LRMDA: variants seen among roughly 807,000 people sequenced by gnomAD.
LRMDA encodes leucine rich melanocyte differentiation associated, also known as leucine-rich melanocyte differentiation-associated protein.
A neutral mutation model predicts 29.8 loss-of-function variants in LRMDA; 18 were observed. That is an observed-to-expected ratio of 0.60 (90% CI 0.42 to 0.90). The LOEUF (loss-of-function observed/expected upper bound fraction) is 0.90, where lower values mean the gene tolerates loss of function less well. Ranked by LOEUF, LRMDA falls within the 40% of genes least tolerant of loss-of-function variation. LRMDA has a pLI of 0.00. For missense variants in LRMDA, 273 were observed against 273.9 expected (o/e 1.00, Z 0.02); for synonymous variants, 125 against 109.4 (o/e 1.14, Z -0.89).
At chr10:75,663,028 T>C (rs965548576) in intron 2 of LRMDA, among the ~76,000 whole-genome samples, 30 of 152,294 alleles carry the variant, frequency 2.0e-4, no homozygotes, top group African/African-American at 7.0e-4. Flanking sequence ...ATTTAAGTGT[T>C]GAGAGCCTGG....
At chr10:76,222,739 C>G (rs547161780) in intron 5 of LRMDA, among the ~76,000 whole-genome samples, 7 of 152,154 alleles carry the variant, frequency 4.6e-5, no homozygotes, top group Non-Finnish European at 1.0e-4. Flanking sequence ...CTAGAAATAC[C>G]ATTTGACCCA....
intron 6 of LRMDA, among the ~76,000 whole-genome samples, chr10:76,359,418 G>A (rs1366310861): frequency 6.6e-6 from 1 of 152,128 alleles, no homozygotes; most frequent in Non-Finnish European, 1.5e-5. Context: ...TTACATTAGT[G>A]CTGATGACAT....
Position 75,700,583 on chromosome 10 carries a change from T to A in LRMDA, c.131+262089T>A, listed in dbSNP as rs955134291. On this transcript the variant is annotated intron_variant, in intron 2 of 6. Transcript: ENST00000611255. ...TCCTTTCTCATTCTTAAAATGTGTA[T>A]GTTGTGTATATTTTATGTATACATT... Among the ~76,000 whole-genome samples, 80 of 152,220 alleles carry A rather than the reference T, an allele frequency of 5.3e-4. 1 individual carries two copies. Among genetic ancestry groups the A allele is most frequent in the Non-Finnish European group, 1.5e-5 (1 of 67,994 alleles).
chr10:76,296,624 G>T (rs1165817991), intron 5 of LRMDA, among the ~76,000 whole-genome samples: 2 of 152,196 alleles, frequency 1.3e-5, no homozygotes, highest in African/African-American at 4.8e-5. Flanking sequence ...TGGATCAATG[G>T]AAATTTAATA....
chr10:76,519,909 CTTTT>C, intron 6 of LRMDA, among the ~76,000 whole-genome samples: 1 of 152,148 alleles, frequency 6.6e-6, no homozygotes, highest in East Asian at 1.9e-4. Flanking sequence ...AAAAAGCATA[CTTTT>C]TTTAAGTTTG....
intron 2 of LRMDA, among the ~76,000 whole-genome samples, chr10:75,467,312 G>C (rs1052906131): frequency 6.6e-6 from 1 of 152,284 alleles, no homozygotes; most frequent in South Asian, 2.1e-4. Flanking sequence ...GCTTGCCCTG[G>C]TGAGTGACTT....
At chr10:75,995,727 C>T (rs1847450580) in intron 2 of LRMDA, among the ~76,000 whole-genome samples, 1 of 152,148 alleles carries the variant, frequency 6.6e-6, no homozygotes, top group South Asian at 2.1e-4. Context: ...TTTCAACCCA[C>T]TGCCAGTTTT....
intron 5 of LRMDA, among the ~76,000 whole-genome samples, chr10:76,248,420 T>G (rs1321664902): frequency 6.6e-6 from 1 of 152,236 alleles, no homozygotes; most frequent in Non-Finnish European, 1.5e-5. Flanking sequence ...CCTCATCTTC[T>G]TCAAGAGCAA....
chr10:76,177,540 C>G (rs1206814323), intron 5 of LRMDA, among the ~76,000 whole-genome samples: 1 of 152,148 alleles, frequency 6.6e-6, no homozygotes. Context: ...AGGGTTCTTG[C>G]TTTAATGGGA....
chr10:75,823,377 CA>C (rs962827382), intron 2 of LRMDA, among the ~76,000 whole-genome samples: 1 of 152,068 alleles, frequency 6.6e-6, no homozygotes, highest in African/African-American at 2.4e-5. Flanking sequence ...CACTAATCAT[CA>C]GAGAAATGCA....
chr10:75,475,789 T>A (rs1844783693), intron 2 of LRMDA, among the ~76,000 whole-genome samples: 1 of 152,086 alleles, frequency 6.6e-6, no homozygotes, highest in Non-Finnish European at 1.5e-5. Flanking sequence ...AATCAGGAGG[T>A]GTCACTGAAG....
intron 6 of LRMDA, among the ~76,000 whole-genome samples, chr10:76,471,986 G>A (rs1054807162): frequency 1.3e-5 from 2 of 151,676 alleles, no homozygotes; most frequent in Non-Finnish European, 3.0e-5. Flanking sequence ...TAGTTGTAGT[G>A]TTCAATACCC....
chr10:75,690,992 TATACACAC>T lies in LRMDA; in HGVS notation c.131+252500_131+252507del, dbSNP rs1404607808. 2.5e-3 allele frequency among the ~76,000 whole-genome samples: 238 copies of T among 94,060 alleles called. 4 individuals are homozygous for T. Among genetic ancestry groups the T allele is most frequent in the African/African-American group, 6.0e-3 (134 of 22,182 alleles). 61.7% of individuals were successfully genotyped at this position (94,060 alleles called of 152,430 possible). ...CTTAAAAAAAAAATATATATATATA[TATACACAC>T]ACACACACACACACACACACACACA... On this transcript the variant is annotated intron_variant, in intron 2 of 6. Transcript: ENST00000611255.
At chr10:76,404,067 A>G (rs548353702) in intron 6 of LRMDA, among the ~76,000 whole-genome samples, 1 of 151,974 alleles carries the variant, frequency 6.6e-6, no homozygotes, top group Non-Finnish European at 1.5e-5. Context: ...AGTCACCTTA[A>G]AAAAAAATGT....
intron 2 of LRMDA, among the ~76,000 whole-genome samples, chr10:75,565,811 A>G (rs1244340647): frequency 6.6e-6 from 1 of 152,248 alleles, no homozygotes; most frequent in African/African-American, 2.4e-5. Flanking sequence ...ACAATGGCTC[A>G]TGCCTGTAAT....
At chr10:75,639,407 T>G (rs542710826) in intron 2 of LRMDA, among the ~76,000 whole-genome samples, 1 of 152,100 alleles carries the variant, frequency 6.6e-6, no homozygotes, top group South Asian at 2.1e-4. Flanking sequence ...GCCGAAACAG[T>G]TTGGCTGTGA....
intron 6 of LRMDA, among the ~76,000 whole-genome samples, chr10:76,429,553 G>GGATGAC (rs1028952989): frequency 3.0e-4 from 45 of 151,926 alleles, no homozygotes; most frequent in African/African-American, 1.1e-3. Flanking sequence ...AAGATGACAG[G>GGATGAC]GATGACGGGT....
At chr10:76,420,185 G>C (rs1271108456) in intron 6 of LRMDA, among the ~76,000 whole-genome samples, 1 of 151,658 alleles carries the variant, frequency 6.6e-6, no homozygotes, top group East Asian at 1.9e-4. Flanking sequence ...AACTGTCTAG[G>C]CCTGGAGTTT....
At chr10:75,935,163 C>T (rs969173032) in intron 2 of LRMDA, among the ~76,000 whole-genome samples, 6 of 152,212 alleles carry the variant, frequency 3.9e-5, no homozygotes, top group African/African-American at 1.4e-4. Flanking sequence ...CTGCTACTCT[C>T]TCCCCACAAA....
Sources: gnomAD v4.1 joint callset for allele counts (sites outside exome capture counted in the v4.1 genomes callset) on GRCh38, gnomAD v4.1.1 for gene constraint, MANE v1.5 for transcripts, NCBI Gene and HGNC (gene_info 2026-07-23, HGNC 2026-07-21) for gene names.